PAPPA: variants seen among roughly 807,000 people sequenced by gnomAD.
PAPPA encodes the protein pappalysin-1.
PAPPA carries 60 observed loss-of-function variants against 164.0 expected under a neutral mutation model. The ratio of observed to expected loss-of-function variants is 0.37; its 90% CI spans 0.30 to 0.45. The LOEUF (loss-of-function observed/expected upper bound fraction) is 0.45, where lower values mean the gene tolerates loss of function less well. Ranked by LOEUF, PAPPA falls within the 20% of genes least tolerant of loss-of-function variation. PAPPA has a pLI of 1.00. For missense variants in PAPPA, 1,782 were observed against 2,087.3 expected (o/e 0.85, Z 2.85); for synonymous variants, 875 against 814.1 (o/e 1.07, Z -1.27).
intron 21 of PAPPA, among the ~76,000 whole-genome samples, chr9:116,393,843 TGAG>T (rs1846926440): frequency 6.6e-6 from 1 of 151,274 alleles, no homozygotes; most frequent in Non-Finnish European, 1.5e-5. Context: ...CCACTGAGAG[TGAG>T]GAGGAGAAGG....
rs143399770 is a variant in PAPPA at position 116,352,903 on chromosome 9, C to A, written c.4162C>A (p.Arg1388=). The change falls in exon 16 of 22, where the codon CGG becomes AGG. Residue 1388 remains arginine (R), a synonymous_variant. Coordinates refer to ENST00000328252, the MANE Select transcript of PAPPA (RefSeq NM_002581.5). ...TGGATACCATGTGCCTGGATCCTCTCGGAAGTCAAAGAAGTAAGTGGGGTT... is the reference window on the plus strand; with the variant it reads ...TGGATACCATGTGCCTGGATCCTCTAGGAAGTCAAAGAAGTAAGTGGGGTT... The part of the protein sequence containing the change: ...KPGYHVPGSS[R]KSKKRAFKTQ... The A allele has an allele frequency of 1.2e-6, 2 of 1,613,810 alleles. No homozygotes were observed. The highest frequency in any genetic ancestry group is 1.3e-5 in the African/African-American group (1 of 75,036).
At chr9:116,265,787 C>A in intron 7 of PAPPA, 70 bp from the exon 8 acceptor site, 1 of 1,310,746 alleles carries the variant, frequency 7.6e-7, no homozygotes, top group South Asian at 1.4e-5. Flanking sequence ...TCCAGGGGAT[C>A]AATTTTCCAT....
chr9:116,160,107 A>G (rs572572083), intron 1 of PAPPA, among the ~76,000 whole-genome samples: 32 of 152,322 alleles, frequency 2.1e-4, no homozygotes, highest in Admixed American at 8.5e-4. Flanking sequence ...TTGAAGGACC[A>G]CTAGTGAAAA....
chr9:116,241,383 G>A (rs777513344), intron 7 of PAPPA, among the ~76,000 whole-genome samples: 1 of 152,170 alleles, frequency 6.6e-6, no homozygotes, highest in Non-Finnish European at 1.5e-5. Context: ...TAGATAGGTG[G>A]TCAGGAAAGT....
intron 4 of PAPPA, among the ~76,000 whole-genome samples, chr9:116,215,098 G>A (rs1587955702): frequency 6.6e-6 from 1 of 152,144 alleles, no homozygotes; most frequent in African/African-American, 2.4e-5. Context: ...ATATTATAGG[G>A]CCACTAAAGA....
intron 9 of PAPPA, among the ~76,000 whole-genome samples, chr9:116,278,654 GT>G (rs144418063): frequency 4.7e-5 from 7 of 148,764 alleles, no homozygotes; most frequent in South Asian, 2.2e-4. Context: ...TAGCCAAATC[GT>G]TTTTTTTTTA....
chr9:116,341,059 G>T (rs1463552865), intron 13 of PAPPA, among the ~76,000 whole-genome samples: 3 of 139,736 alleles, frequency 2.1e-5, no homozygotes, highest in Non-Finnish European at 4.7e-5. Flanking sequence ...TATTTATTTT[G>T]ATACACAGTC....
At chr9:116,164,459 C>A (rs1843699598) in intron 1 of PAPPA, among the ~76,000 whole-genome samples, 1 of 152,198 alleles carries the variant, frequency 6.6e-6, no homozygotes, top group Non-Finnish European at 1.5e-5. Context: ...GTAGAGAACC[C>A]TGGTCAGGTC....
At chr9:116,382,230 G>A (rs1846741741) in intron 20 of PAPPA, among the ~76,000 whole-genome samples, 165 bp from the exon 21 acceptor site, 1 of 152,150 alleles carries the variant, frequency 6.6e-6, no homozygotes, top group Non-Finnish European at 1.5e-5. Context: ...ATGAATGGTA[G>A]AGGTGATAAC....
At chr9:116,209,145 A>G (rs912310928) in intron 3 of PAPPA, among the ~76,000 whole-genome samples, 1 of 152,162 alleles carries the variant, frequency 6.6e-6, no homozygotes, top group Non-Finnish European at 1.5e-5. Flanking sequence ...ACAGACACAG[A>G]CAGGTGGGGT....
At chr9:116,210,616 A>G (rs1365847124) in intron 3 of PAPPA, among the ~76,000 whole-genome samples, 1 of 152,198 alleles carries the variant, frequency 6.6e-6, no homozygotes, top group East Asian at 1.9e-4. Context: ...CCTAAAATGA[A>G]CACAGCACAA....
intron 2 of PAPPA, among the ~76,000 whole-genome samples, chr9:116,193,390 TA>T (rs1844067036): frequency 6.6e-6 from 1 of 152,174 alleles, no homozygotes; most frequent in South Asian, 2.1e-4. Context: ...TCATGGAGCA[TA>T]AACTTCATAC....
intron 9 of PAPPA, among the ~76,000 whole-genome samples, chr9:116,279,345 A>C (rs1432836197): frequency 6.6e-6 from 1 of 152,116 alleles, no homozygotes; most frequent in African/African-American, 2.4e-5. Context: ...CTCAACAGGG[A>C]GGTCTGATGG....
intron 16 of PAPPA, 113 bp downstream of exon 16, chr9:116,353,029 C>T: frequency 1.3e-6 from 1 of 776,758 alleles, no homozygotes; most frequent in East Asian, 2.7e-5. Context: ...GACTGCCATT[C>T]ATCCCATTCT....
chr9:116,279,134 A>G (rs892146277), intron 9 of PAPPA, among the ~76,000 whole-genome samples: 1 of 152,194 alleles, frequency 6.6e-6, no homozygotes. Flanking sequence ...GGGAGCTTTC[A>G]GCTCCGATTT....
intron 1 of PAPPA, among the ~76,000 whole-genome samples, chr9:116,186,545 C>A (rs1052696112): frequency 1.3e-5 from 2 of 152,080 alleles, no homozygotes; most frequent in Admixed American, 1.3e-4. Flanking sequence ...CAGGTCCTGA[C>A]CCTCACTTTT....
chr9:116,339,483 T>C (rs942902415), intron 13 of PAPPA, among the ~76,000 whole-genome samples: 2 of 152,152 alleles, frequency 1.3e-5, no homozygotes, highest in African/African-American at 4.8e-5. Flanking sequence ...AAGAACCTTT[T>C]AGGATCATTC....
intron 6 of PAPPA, among the ~76,000 whole-genome samples, chr9:116,228,107 T>C (rs1844538328): frequency 6.6e-6 from 1 of 152,214 alleles, no homozygotes; most frequent in African/African-American, 2.4e-5. Context: ...CCACCCACTA[T>C]CAGACTCTTC....
chr9:116,164,716 G>A (rs138747813), intron 1 of PAPPA, among the ~76,000 whole-genome samples: 1 of 152,160 alleles, frequency 6.6e-6, no homozygotes, highest in Non-Finnish European at 1.5e-5. Flanking sequence ...GCAGAATGTG[G>A]CCAAATGCAT....
Sources: allele counts gnomAD v4.1 joint callset (sites outside exome capture counted in the v4.1 genomes callset), GRCh38; gene constraint gnomAD v4.1.1; transcripts MANE v1.5; gene names NCBI Gene and HGNC (gene_info 2026-07-23, HGNC 2026-07-21).